The following NELL1 variants were observed in gnomAD, a reference collection of about 807,000 sequenced individuals.
The protein encoded by NELL1 is protein kinase C-binding protein NELL1.
Under a neutral mutation model 107.4 loss-of-function variants are expected in NELL1, and 76 were observed. The observed-to-expected ratio is 0.71, with a 90% CI of 0.59 to 0.86. NELL1 has a LOEUF of 0.86. NELL1 is among the 40% of genes least tolerant of loss of function. NELL1 has a pLI of 0.00. For missense variants in NELL1, 1,024 were observed against 1,005.5 expected, an observed-to-expected ratio of 1.02 and a Z score of -0.25; for synonymous variants, 353 against 341.2, an observed-to-expected ratio of 1.03 and a Z score of -0.38.
chr11:21,369,824 G>T (rs1347538064), intron 14 of NELL1, among the ~76,000 whole-genome samples: 1 of 152,060 alleles, frequency 6.6e-6, no homozygotes, highest in African/African-American at 2.4e-5. Flanking sequence ...AGCAAGGTTT[G>T]ATATTAAATT....
chr11:20,749,903 AT>A lies in NELL1; in HGVS notation c.185-33772del, dbSNP rs567010538. Among the ~76,000 whole-genome samples the A allele has an allele frequency of 3.3e-3, 500 of 152,212 alleles. 2 individuals are homozygous for A. Among genetic ancestry groups the A allele is most frequent in the South Asian group, 0.014 (66 of 4,828 alleles). On this transcript the variant is annotated intron_variant, in intron 2 of 19. Transcript: ENST00000357134. Reference sequence around the variant, plus strand: ...GCCATGTTGCATATATCAGTGGCTTATTTTTATTGTCAGCTAGTTTTCCATT... The same window carrying A: ...GCCATGTTGCATATATCAGTGGCTTATTTTATTGTCAGCTAGTTTTCCATT...
At chr11:21,172,632 T>G (rs2133814200) in intron 13 of NELL1, among the ~76,000 whole-genome samples, 1 of 151,938 alleles carries the variant, frequency 6.6e-6, no homozygotes, top group Non-Finnish European at 1.5e-5. Context: ...TATTTTTAAT[T>G]ATTTTTTTTT....
At position 20,950,915 on chromosome 11, in the gene NELL1, A is replaced by G. The variant is rs988600771; in HGVS notation, c.1171+3480A>G. 3.9e-5 allele frequency among the ~76,000 whole-genome samples: 6 copies of G among 152,190 alleles called. 1 individual carries two copies. The highest frequency in any genetic ancestry group is 1.2e-4 in the African/African-American group (5 of 41,446). On this transcript the variant is annotated intron_variant, in intron 11 of 19. Transcript: ENST00000357134. ...TCAACACCTGCACCGAAGGCCTTTC[A>G]ATTAGCATATTTATCATCTCTCTCT...
intron 14 of NELL1, among the ~76,000 whole-genome samples, chr11:21,342,263 A>G (rs577219831): frequency 1.3e-5 from 2 of 152,186 alleles, no homozygotes; most frequent in Admixed American, 6.5e-5. Context: ...CCTACTAAGC[A>G]CTTTACATAA....
intron 10 of NELL1, among the ~76,000 whole-genome samples, chr11:20,940,675 G>A (rs1207618671): frequency 6.6e-6 from 1 of 152,148 alleles, no homozygotes; most frequent in African/African-American, 2.4e-5. Flanking sequence ...TCTCCGAAAC[G>A]GGAACATCAT....
chr11:21,562,486 G>A (rs1048961396), intron 17 of NELL1, among the ~76,000 whole-genome samples: 1 of 151,954 alleles, frequency 6.6e-6, no homozygotes, highest in Non-Finnish European at 1.5e-5. Flanking sequence ...GTTGTGGAGG[G>A]GGAAGACAGC....
At chr11:21,520,844 T>A (rs934538112) in intron 15 of NELL1, among the ~76,000 whole-genome samples, 13 of 152,258 alleles carry the variant, frequency 8.5e-5, no homozygotes, top group African/African-American at 3.1e-4. Context: ...TGTCCTTGAC[T>A]CCTTCCTTTG....
intron 15 of NELL1, among the ~76,000 whole-genome samples, chr11:21,410,671 C>T (rs1852353573): frequency 1.3e-5 from 2 of 152,006 alleles, no homozygotes; most frequent in South Asian, 2.1e-4. Context: ...GTAATCTCTA[C>T]CTATTTAAAA....
intron 2 of NELL1, among the ~76,000 whole-genome samples, chr11:20,743,068 T>A (rs914827945): frequency 5.9e-5 from 9 of 152,074 alleles, no homozygotes; most frequent in Non-Finnish European, 1.0e-4. Context: ...ATCCAGTGAC[T>A]CTGGGTGGGC....
chr11:21,181,923 T>C (rs1172237942), intron 13 of NELL1, among the ~76,000 whole-genome samples: 1 of 151,970 alleles, frequency 6.6e-6, no homozygotes, highest in Non-Finnish European at 1.5e-5. Context: ...AGTGTTTCTG[T>C]AGATTTGGCA....
intron 2 of NELL1, among the ~76,000 whole-genome samples, chr11:20,711,450 T>G (rs1466724833): frequency 6.6e-6 from 1 of 152,258 alleles, no homozygotes. Flanking sequence ...TATTTTTTTC[T>G]CATTGTGTTA....
chr11:21,037,112 A>G (rs1045212712), intron 12 of NELL1, among the ~76,000 whole-genome samples: 1 of 152,112 alleles, frequency 6.6e-6, no homozygotes, highest in Non-Finnish European at 1.5e-5. Context: ...AGAAATTTCC[A>G]CGGTGATGAA....
chr11:20,997,444 A>T (rs1418838607), intron 12 of NELL1, among the ~76,000 whole-genome samples: 7 of 152,214 alleles, frequency 4.6e-5, no homozygotes, highest in Admixed American at 4.6e-4. Flanking sequence ...GCATGTTATC[A>T]TTGGTGGGGA....
chr11:21,384,250 G>A (rs1003287149), intron 15 of NELL1, among the ~76,000 whole-genome samples: 2 of 151,784 alleles, frequency 1.3e-5, no homozygotes, highest in African/African-American at 2.4e-5. Flanking sequence ...TCATTCCTCT[G>A]CTTCACATTC....
At position 20,669,917 on chromosome 11, in the gene NELL1, T is replaced by C; in HGVS notation, c.55+139T>C. On this transcript the variant is annotated intron_variant, in intron 1 of 19. Transcript: ENST00000357134. The surrounding 1 kb of genome is among the most constrained non-coding windows in gnomAD (Gnocchi z 4.4). ...CGTGGACCGGTTCCTGGGATCTCTT[T>C]GCCCTGCTCGGAGTGACAGGGTGAA... 2 of 711,464 alleles carry C rather than the reference T, an allele frequency of 2.8e-6. No individual in the cohort carries two copies. The highest frequency in any genetic ancestry group is 1.6e-5 in the South Asian group (1 of 61,998). 44.1% of individuals were successfully genotyped at this position (711,464 alleles called of 1,614,324 possible). A position where few individuals can be genotyped will look rare whatever the true frequency, so the allele number is the denominator to read the frequency against.
intron 3 of NELL1, among the ~76,000 whole-genome samples, chr11:20,834,601 G>T (rs1468797576): frequency 1.3e-5 from 2 of 151,966 alleles, no homozygotes; most frequent in Non-Finnish European, 2.9e-5. Flanking sequence ...TACTAGGGAG[G>T]CTGAGGCAGG....
intron 13 of NELL1, among the ~76,000 whole-genome samples, chr11:21,205,454 G>GCAGA (rs1489237453): frequency 6.6e-6 from 1 of 152,178 alleles, no homozygotes. Context: ...CTCAGTAATG[G>GCAGA]CAGACGGCAT....
intron 12 of NELL1, among the ~76,000 whole-genome samples, chr11:20,994,088 A>G (rs1852038373): frequency 6.6e-6 from 1 of 152,202 alleles, no homozygotes; most frequent in Admixed American, 6.5e-5. Context: ...AACTTTTAAG[A>G]AATCTATTTT....
In NELL1 at chr11:21,050,023, T is replaced by C. The variant is rs377350967; in HGVS notation, c.1301-63566T>C. On this transcript the variant is annotated intron_variant, in intron 12 of 19. Transcript: ENST00000357134. The stretch of plus-strand genomic sequence containing the variant: ...GTTAATTAAGCGTTAGTTTGACAAC[T>C]GATGCCACAAGCAAACGCAGATGTA... Among the ~76,000 whole-genome samples, 11 of 152,308 alleles carry C rather than the reference T, an allele frequency of 7.2e-5. 1 individual carries two copies. The highest frequency in any genetic ancestry group is 5.2e-4 in the Admixed American group (8 of 15,296).
Sources: gnomAD v4.1 joint callset for allele counts (sites outside exome capture counted in the v4.1 genomes callset) on GRCh38, gnomAD v4.1.1 for gene constraint, Gnocchi (gnomAD v3.1) non-coding constraint, MANE v1.5 for transcripts, NCBI Gene and HGNC (gene_info 2026-07-23, HGNC 2026-07-21) for gene names.